Variants in HERC2 observed in about 807,000 individuals in gnomAD.
The protein encoded by HERC2 is E3 ubiquitin-protein ligase HERC2.
A neutral mutation model predicts 537.7 loss-of-function variants in HERC2; 102 were observed. The ratio of observed to expected loss-of-function variants is 0.19; its 90% CI spans 0.16 to 0.22. The LOEUF (loss-of-function observed/expected upper bound fraction) is 0.22. Among genes scored for constraint, HERC2 ranks in the 10% least tolerant of loss-of-function variants. The pLI is 1.00. For synonymous variants in HERC2, 2,224 were observed against 2,466.2 expected (o/e 0.90, Z 2.91); for missense variants, 4,236 against 6,198.2 (o/e 0.68, Z 10.63).
chr15:28,148,613 CAAA>C (rs977248628), intron 70 of HERC2, among the ~76,000 whole-genome samples: 1 of 151,756 alleles, frequency 6.6e-6, no homozygotes, highest in East Asian at 1.9e-4. Flanking sequence ...GTGAAATCAC[CAAA>C]AAAACACATG....
rs537189119 is a variant in HERC2, at chr15:28,143,313, T to TC, written c.11419-362_11419-361insG. Among the ~76,000 whole-genome samples the TC allele has an allele frequency of 3.0e-3, 453 of 152,312 alleles. 2 individuals are homozygous for TC. The highest frequency in any genetic ancestry group is 0.01 in the African/African-American group (429 of 41,572). The stretch of plus-strand genomic sequence containing the variant: ...GGAGGCCAATCAGTTAGCCTCATTG[T>TC]AAAGTCCAATCAACACAATCCTATG... On this transcript the variant is annotated intron_variant, in intron 74 of 92. Coordinates refer to ENST00000261609, the MANE Select transcript of HERC2 (RefSeq NM_004667.6).
intron 55 of HERC2, among the ~76,000 whole-genome samples, chr15:28,188,869 C>G (rs1024962065): frequency 6.6e-6 from 1 of 152,092 alleles, no homozygotes. Context: ...GGGCAGATCA[C>G]CTGAGGTCAG....
rs528042076 is a variant in HERC2, at chr15:28,270,648, G to C, written c.1257+47C>G. 19 of 1,565,190 alleles carry C rather than the reference G, an allele frequency of 1.2e-5. No homozygotes were observed. The Admixed American group carries it at 3.3e-4, about 27-fold the overall frequency. ...GGGCCCAGGATGAGAACCTACAAGT[G>C]GTACTAGCTACAAAACACATGGAGA... On this transcript the variant is annotated intron_variant, in intron 10 of 92. Coordinates refer to ENST00000261609, the MANE Select transcript of HERC2 (RefSeq NM_004667.6).
intron 21 of HERC2, among the ~76,000 whole-genome samples, chr15:28,247,424 T>C (rs1903819565): frequency 8.5e-6 from 1 of 117,206 alleles, no homozygotes; most frequent in African/African-American, 5.7e-5. Flanking sequence ...CATGGTTCTT[T>C]TTTTTTTTTT....
intron 69 of HERC2, among the ~76,000 whole-genome samples, chr15:28,155,153 T>C (rs1566950977): frequency 6.6e-6 from 1 of 152,116 alleles, no homozygotes; most frequent in East Asian, 1.9e-4. Context: ...ATTTTCTTAA[T>C]CCAGTCTATC....
Position 28,141,611 on chromosome 15 carries a change from G to C in HERC2, c.11836C>G (p.Leu3946Val), listed in dbSNP as rs142169064. The C allele has an allele frequency of 5.0e-5, 80 of 1,614,190 alleles. No individual in the cohort carries two copies. Among genetic ancestry groups the C allele is most frequent in the Middle Eastern group, 1.6e-4 (1 of 6,062 alleles). The change falls in exon 78 of 93, where the codon CTC becomes GTC. Residue 3946 changes from leucine to valine, a missense_variant. Leu to Val is a conservative substitution (Grantham distance 32, BLOSUM62 1). Coordinates refer to ENST00000261609, the MANE Select transcript of HERC2 (RefSeq NM_004667.6). ...WMNRRPDDWT[L>V]SAGGSGTIYG... The stretch of plus-strand genomic sequence containing the variant: ...ATTGTTCCACTGCCACCAGCAGAGA[G>C]AGTCCAGTCATCTGGTCGCCTACAA...
rs1362050241 is a variant in HERC2, at chr15:28,199,330, C to A, written c.7717-561G>T. ...GCTTTCAAAGATTACTGGGTTCACT[C>A]AAAAGGATTCCCTGATCATCAAAAA... On this transcript the variant is annotated intron_variant, in intron 48 of 92. Transcript: ENST00000261609. Among the ~76,000 whole-genome samples, 4 of 152,094 alleles carry A rather than the reference C, an allele frequency of 2.6e-5. No individual in the cohort carries two copies. The East Asian group carries it at 7.7e-4, about 29-fold the overall frequency.
chr15:28,171,252 G>A (rs1181160529), intron 65 of HERC2, among the ~76,000 whole-genome samples: 1 of 152,204 alleles, frequency 6.6e-6, no homozygotes, highest in African/African-American at 2.4e-5. Context: ...TTCGATGGTT[G>A]AGTATTCGAT....
chr15:28,229,464 T>C lies in HERC2; in HGVS notation c.5116A>G (p.Ile1706Val), dbSNP rs1477024194. 1.9e-6 allele frequency: 3 copies of C among 1,613,806 alleles called. No individual in the cohort carries two copies. Among genetic ancestry groups the C allele is most frequent in the Non-Finnish European group, 2.5e-6 (3 of 1,179,702 alleles). The change falls in exon 33 of 93, where the codon ATA becomes GTA. Residue 1706 changes from isoleucine to valine, a missense_variant. Physicochemically the swap from Ile to Val is conservative, Grantham distance 29. This residue lies in a region of HERC2 where 343 missense variants were observed against 417.2 expected (regional missense o/e 0.82). Transcript: ENST00000261609. The part of the protein sequence containing the change: ...WQRLIPEGID[I>V]GEPLTDCLKD... ...AAAAATATGCTAACGTTTTACCCTA[T>C]ATCGATTCCCTCAGGAATAAGTCTT...
intron 2 of HERC2, among the ~76,000 whole-genome samples, chr15:28,310,140 A>G (rs1204984832): frequency 6.6e-6 from 1 of 152,214 alleles, no homozygotes; most frequent in East Asian, 1.9e-4. Context: ...CCGTCTCTAC[A>G]AAAAAATTGT....
chr15:28,291,118 G>C (rs1243868977), intron 4 of HERC2, among the ~76,000 whole-genome samples: 1 of 152,220 alleles, frequency 6.6e-6, no homozygotes, highest in African/African-American at 2.4e-5. Context: ...TGGATAACAG[G>C]TAGTACATGC....
chr15:28,311,841 A>C (rs988352627), intron 2 of HERC2, among the ~76,000 whole-genome samples: 10 of 152,280 alleles, frequency 6.6e-5, no homozygotes, highest in Admixed American at 1.3e-4. Context: ...TACAGCCTAG[A>C]TTGAGAAACA....
chr15:28,240,214 G>T (rs372311463), intron 23 of HERC2, among the ~76,000 whole-genome samples: 40 of 152,212 alleles, frequency 2.6e-4, no homozygotes, highest in East Asian at 1.9e-3. Context: ...GTCAGGAGAT[G>T]GAGACCATCC....
At chr15:28,257,673 A>G (rs544446961) in intron 16 of HERC2, among the ~76,000 whole-genome samples, 1 of 152,250 alleles carries the variant, frequency 6.6e-6, no homozygotes, top group Admixed American at 6.5e-5. Context: ...ATCTAAGAGA[A>G]CGGTGGAACA....
intron 55 of HERC2, among the ~76,000 whole-genome samples, chr15:28,188,639 C>G (rs541745346): frequency 4.3e-4 from 65 of 151,974 alleles, no homozygotes; most frequent in African/African-American, 1.6e-3. Context: ...GAAGCAAGTG[C>G]TCCTGAAATA....
chr15:28,229,666 A>G lies in HERC2; in HGVS notation c.4983+8T>C. 1 of 1,611,492 alleles carries G rather than the reference A, an allele frequency of 6.2e-7. No individual in the cohort carries two copies. Among genetic ancestry groups the G allele is most frequent in the East Asian group, 2.2e-5 (1 of 44,878 alleles). On this transcript the variant is annotated splice_region_variant and intron_variant, in intron 32 of 92. Transcript: ENST00000261609. ...CAATGCAGAGAAGCATTTCTCATCA[A>G]ATGTTACCTGTTTTAGTAGGCACTT...
At chr15:28,195,168 A>G (rs139758763) in intron 52 of HERC2, among the ~76,000 whole-genome samples, 2 of 152,372 alleles carry the variant, frequency 1.3e-5, no homozygotes, top group East Asian at 3.8e-4. Flanking sequence ...TACTAATAAT[A>G]GATTTAAATG....
chr15:28,216,450 C>G (rs1410096640), intron 38 of HERC2, among the ~76,000 whole-genome samples: 2 of 150,668 alleles, frequency 1.3e-5, no homozygotes, highest in Non-Finnish European at 3.0e-5. Flanking sequence ...CCGCCTGGCT[C>G]CAGGACTCCA....
intron 86 of HERC2, chr15:28,117,529 T>C (rs1888409480): frequency 3.8e-6 from 2 of 532,340 alleles, no homozygotes; most frequent in Admixed American, 2.2e-5. Flanking sequence ...CTTCACCATC[T>C]TGCCACGACC....
Sources: allele counts gnomAD v4.1 joint callset (sites outside exome capture counted in the v4.1 genomes callset), GRCh38; gene constraint gnomAD v4.1.1; regional missense constraint gnomAD v4.1.1; transcripts MANE v1.5; gene names NCBI Gene and HGNC (gene_info 2026-07-23, HGNC 2026-07-21).